DGKB: variants seen among roughly 807,000 people sequenced by gnomAD.
The protein encoded by DGKB is diacylglycerol kinase beta, also known as 90 kDa diacylglycerol kinase.
Under a neutral mutation model 114.3 loss-of-function variants are expected in DGKB, and 67 were observed. The ratio of observed to expected loss-of-function variants is 0.59; its 90% CI spans 0.48 to 0.72. The LOEUF is 0.72. Among genes scored for constraint, DGKB ranks in the 30% least tolerant of loss-of-function variants. DGKB has a pLI of 0.00. For synonymous variants in DGKB, 398 were observed against 323.1 expected, an observed-to-expected ratio of 1.23 and a Z score of -2.49; for missense variants, 907 against 975.2, an observed-to-expected ratio of 0.93 and a Z score of 0.93.
intron 1 of DGKB, among the ~76,000 whole-genome samples, chr7:14,851,997 T>G (rs1849412893): frequency 6.6e-6 from 1 of 152,208 alleles, no homozygotes; most frequent in African/African-American, 2.4e-5. Flanking sequence ...CCAATTCTAC[T>G]ATGCCCATTC....
chr7:14,840,500 TACTC>T (rs1348758440), intron 2 of DGKB, among the ~76,000 whole-genome samples: 2 of 152,186 alleles, frequency 1.3e-5, no homozygotes, highest in African/African-American at 2.4e-5. Flanking sequence ...AATAAAATCT[TACTC>T]TACATATGCA....
intron 13 of DGKB, among the ~76,000 whole-genome samples, chr7:14,634,720 G>C (rs1810411603): frequency 6.6e-6 from 1 of 151,470 alleles, no homozygotes; most frequent in Non-Finnish European, 1.5e-5. Flanking sequence ...GACAGGTAAA[G>C]TTGTTCTCTC....
At chr7:14,667,687 C>T (rs1397858775) in intron 13 of DGKB, among the ~76,000 whole-genome samples, 6 of 152,068 alleles carry the variant, frequency 3.9e-5, no homozygotes, top group African/African-American at 1.2e-4. Flanking sequence ...ACTGAAAGTT[C>T]GCAGACTGAA....
intron 18 of DGKB, among the ~76,000 whole-genome samples, chr7:14,582,054 T>C (rs921300879): frequency 2.6e-5 from 4 of 152,228 alleles, no homozygotes; most frequent in Non-Finnish European, 5.9e-5. Context: ...ATTTTTAGTG[T>C]ATGCATAGAC....
At chr7:14,949,063 G>A (rs991552706) in intron 1 of DGKB, among the ~76,000 whole-genome samples, 23 of 151,868 alleles carry the variant, frequency 1.5e-4, no homozygotes, top group African/African-American at 5.1e-4. Flanking sequence ...CAACTCATAT[G>A]AGCAACACAG....
chr7:14,235,115 G>C (rs1792561662), intron 23 of DGKB, among the ~76,000 whole-genome samples: 1 of 152,010 alleles, frequency 6.6e-6, no homozygotes, highest in African/African-American at 2.4e-5. Flanking sequence ...AGTACTAACA[G>C]GGTCACCTGG....
intron 13 of DGKB, among the ~76,000 whole-genome samples, chr7:14,655,092 G>A (rs186160317): frequency 1.6e-4 from 24 of 151,868 alleles, no homozygotes; most frequent in African/African-American, 5.8e-4. Context: ...AGAGTGAACA[G>A]ACAATCTGTA....
In DGKB at chr7:14,563,142, C is replaced by T. The variant is rs142605963; in HGVS notation, c.1770+11070G>A. ...CTCTTGCCTGCCACCATGTAAGGCA[C>T]GCCTTTGTTCCTCTTCTGCCTTCTG... is the stretch of plus-strand genomic sequence containing the variant. On this transcript the variant is annotated intron_variant, in intron 20 of 25. Transcript: ENST00000402815. Among the ~76,000 whole-genome samples the T allele has an allele frequency of 6.1e-3, 934 of 152,196 alleles. 11 individuals carry two copies. The highest frequency in any genetic ancestry group is 0.021 in the African/African-American group (866 of 41,536).
chr7:14,869,121 A>T (rs571762310), intron 1 of DGKB, among the ~76,000 whole-genome samples: 1 of 152,334 alleles, frequency 6.6e-6, no homozygotes, highest in Admixed American at 6.5e-5. Context: ...CAATCTATAA[A>T]ATAACCAAGC....
chr7:14,611,399 T>C (rs1344827282), intron 16 of DGKB, among the ~76,000 whole-genome samples: 1 of 152,146 alleles, frequency 6.6e-6, no homozygotes, highest in South Asian at 2.1e-4. Context: ...GAAAAGTTTA[T>C]GTGGATTTAT....
rs933013252 is a variant in DGKB at position 14,590,171 on chromosome 7, AAAAC to A, written c.1434-7038_1434-7035del. Among the ~76,000 whole-genome samples, 449 of 151,946 alleles carry A rather than the reference AAAAC, an allele frequency of 3.0e-3. 3 individuals carry two copies. Among genetic ancestry groups the A allele is most frequent in the African/African-American group, 9.1e-3 (377 of 41,452 alleles). Reference sequence around the variant, plus strand: ...AACTTAAAGTATAATAATAAAAAAAAAAACATTAAAGAGAAAAGTCTTACATCAT... The same window carrying A: ...AACTTAAAGTATAATAATAAAAAAAAATTAAAGAGAAAAGTCTTACATCAT... On this transcript the variant is annotated intron_variant, in intron 17 of 25. Coordinates refer to ENST00000402815, the MANE Select transcript of DGKB (RefSeq NM_001350709.2).
intron 1 of DGKB, among the ~76,000 whole-genome samples, chr7:14,902,059 T>C (rs1276785251): frequency 6.6e-6 from 1 of 152,142 alleles, no homozygotes; most frequent in Admixed American, 6.6e-5. Context: ...ATATCATCAG[T>C]GTGGCCTAGG....
chr7:14,814,445 G>T (rs1461554885), intron 2 of DGKB, among the ~76,000 whole-genome samples: 1 of 152,150 alleles, frequency 6.6e-6, no homozygotes, highest in Non-Finnish European at 1.5e-5. Context: ...AAAACACAGA[G>T]ATATGTATTG....
chr7:14,947,549 G>A (rs1256714252), intron 1 of DGKB, among the ~76,000 whole-genome samples: 1 of 120,368 alleles, frequency 8.3e-6, no homozygotes, highest in African/African-American at 3.3e-5. Context: ...TGTACAATAG[G>A]ATATATTAAA....
intron 21 of DGKB, among the ~76,000 whole-genome samples, chr7:14,458,537 G>A (rs1489401610): frequency 6.6e-6 from 1 of 152,092 alleles, no homozygotes; most frequent in Admixed American, 6.5e-5. Context: ...AGTGGGTGCA[G>A]CCCACAGAGG....
At chr7:14,263,325 T>C (rs1797036634) in intron 23 of DGKB, among the ~76,000 whole-genome samples, 2 of 152,186 alleles carry the variant, frequency 1.3e-5, no homozygotes, top group Middle Eastern at 3.2e-3. Flanking sequence ...TAGCTATAGC[T>C]CTCTTTAAAA....
At chr7:14,796,456 A>G (rs943870666) in intron 2 of DGKB, among the ~76,000 whole-genome samples, 4 of 152,158 alleles carry the variant, frequency 2.6e-5, no homozygotes, top group Non-Finnish European at 4.4e-5. Flanking sequence ...TTTCAATGGA[A>G]ATTTTAAACA....
intron 21 of DGKB, among the ~76,000 whole-genome samples, chr7:14,436,194 G>T (rs1242367549): frequency 6.6e-6 from 1 of 152,060 alleles, no homozygotes; most frequent in South Asian, 2.1e-4. Flanking sequence ...TTAAAATGTT[G>T]TTAATACACT....
intron 1 of DGKB, among the ~76,000 whole-genome samples, chr7:14,937,886 G>C (rs573604610): frequency 2.6e-4 from 40 of 152,088 alleles, no homozygotes; most frequent in Non-Finnish European, 5.4e-4. Flanking sequence ...CTTCTTTAAT[G>C]ATTTTCTTAA....
Sources: gnomAD v4.1 joint callset for allele counts (sites outside exome capture counted in the v4.1 genomes callset) on GRCh38, gnomAD v4.1.1 for gene constraint, MANE v1.5 for transcripts, NCBI Gene and HGNC (gene_info 2026-07-23, HGNC 2026-07-21) for gene names.